The following ZNF385B variants were observed in gnomAD, a reference collection of about 807,000 sequenced individuals.
ZNF385B encodes zinc finger protein 533.
A neutral mutation model predicts 39.2 loss-of-function variants in ZNF385B; 23 were observed. The observed-to-expected ratio is 0.59, with a 90% CI of 0.42 to 0.83. The LOEUF (loss-of-function observed/expected upper bound fraction) is 0.83, where lower values mean the gene tolerates loss of function less well. Among genes scored for constraint, ZNF385B ranks in the 40% least tolerant of loss-of-function variants. The pLI, the probability that ZNF385B is intolerant of heterozygous loss-of-function variation, is 0.00. For missense variants in ZNF385B, 552 were observed against 598.9 expected, an observed-to-expected ratio of 0.92 and a Z score of 0.82; for synonymous variants, 205 against 222.6, an observed-to-expected ratio of 0.92 and a Z score of 0.70.
intron 6 of ZNF385B, among the ~76,000 whole-genome samples, chr2:179,463,549 C>T (rs993078043): frequency 2.0e-5 from 3 of 152,006 alleles, no homozygotes; most frequent in African/African-American, 7.2e-5. Flanking sequence ...TTCCCCGCCC[C>T]ATGTCCATGT....
intron 6 of ZNF385B, among the ~76,000 whole-genome samples, chr2:179,475,230 G>C (rs2053271752): frequency 6.6e-6 from 1 of 151,038 alleles, no homozygotes; most frequent in Admixed American, 6.6e-5. Context: ...ACAGATTATA[G>C]ACCATTTCCA....
chr2:179,483,215 C>CA, intron 6 of ZNF385B, 57 bp downstream of exon 6: 1 of 1,592,408 alleles, frequency 6.3e-7, no homozygotes, highest in Non-Finnish European at 8.6e-7. Flanking sequence ...AAAACGGGGT[C>CA]AGGGCAGGGG....
chr2:179,536,773 T>A (rs936578599), intron 4 of ZNF385B, among the ~76,000 whole-genome samples: 12 of 152,132 alleles, frequency 7.9e-5, no homozygotes, highest in Admixed American at 7.9e-4. Context: ...TGGTTGTGAA[T>A]GAGTGACTTT....
At chr2:179,710,367 A>G (rs1259714765) in intron 3 of ZNF385B, among the ~76,000 whole-genome samples, 1 of 152,078 alleles carries the variant, frequency 6.6e-6, no homozygotes, top group Admixed American at 6.5e-5. Flanking sequence ...CCCTGGAAAT[A>G]GCAAACCATT....
intron 3 of ZNF385B, among the ~76,000 whole-genome samples, chr2:179,571,605 T>C (rs1455201197): frequency 1.3e-5 from 2 of 152,240 alleles, no homozygotes; most frequent in Non-Finnish European, 2.9e-5. Context: ...GAGAGTCATG[T>C]GGTCTTGAAA....
chr2:179,738,984 T>A (rs906910171), intron 3 of ZNF385B, among the ~76,000 whole-genome samples: 1 of 152,152 alleles, frequency 6.6e-6, no homozygotes, highest in African/African-American at 2.4e-5. Flanking sequence ...AAAGACTTTG[T>A]TAAATATCTC....
At chr2:179,741,818 A>G (rs1702105763) in intron 3 of ZNF385B, among the ~76,000 whole-genome samples, 2 of 152,182 alleles carry the variant, frequency 1.3e-5, no homozygotes, top group South Asian at 4.2e-4. Flanking sequence ...CTTCTAGGTC[A>G]AGTTTGCAAG....
chr2:179,634,225 G>GT (rs1691510822), intron 3 of ZNF385B, among the ~76,000 whole-genome samples: 3 of 126,476 alleles, frequency 2.4e-5, no homozygotes, highest in African/African-American at 9.5e-5. Context: ...TAATTAAAGA[G>GT]CTCTGCACAG....
chr2:179,518,007 T>C (rs2058209973), intron 5 of ZNF385B, among the ~76,000 whole-genome samples: 2 of 152,196 alleles, frequency 1.3e-5, no homozygotes, highest in South Asian at 4.1e-4. Flanking sequence ...TGATATCAAA[T>C]AGTAAAAATG....
intron 1 of ZNF385B, among the ~76,000 whole-genome samples, chr2:179,854,777 T>C (rs550006896): frequency 2.0e-5 from 3 of 152,346 alleles, no homozygotes; most frequent in Admixed American, 2.0e-4. Context: ...TTTCTTAGTG[T>C]AGCTCAAACT....
At chr2:179,501,360 T>C (rs2056743952) in intron 5 of ZNF385B, among the ~76,000 whole-genome samples, 1 of 152,124 alleles carries the variant, frequency 6.6e-6, no homozygotes, top group Admixed American at 6.6e-5. Context: ...AACTGATGAA[T>C]GGGTGAAGAA....
At chr2:179,608,223 A>G (rs543649768) in intron 3 of ZNF385B, among the ~76,000 whole-genome samples, 15 of 151,596 alleles carry the variant, frequency 9.9e-5, no homozygotes, top group Non-Finnish European at 1.8e-4. Context: ...CTTCTCAGAA[A>G]CTCTTAACTG....
chr2:179,652,256 A>G (rs1216952468), intron 3 of ZNF385B, among the ~76,000 whole-genome samples: 1 of 152,182 alleles, frequency 6.6e-6, no homozygotes, highest in African/African-American at 2.4e-5. Flanking sequence ...GTATGGTTCT[A>G]AAGTATAGGC....
At chr2:179,671,737 T>C (rs1696032334) in intron 3 of ZNF385B, among the ~76,000 whole-genome samples, 1 of 152,170 alleles carries the variant, frequency 6.6e-6, no homozygotes, top group Admixed American at 6.5e-5. Context: ...CACTCCACTC[T>C]CTGAACTCCA....
intron 3 of ZNF385B, among the ~76,000 whole-genome samples, chr2:179,752,377 T>C (rs1702733430): frequency 6.6e-6 from 1 of 152,224 alleles, no homozygotes; most frequent in Non-Finnish European, 1.5e-5. Flanking sequence ...CTATTGTGAA[T>C]AGTGCCACAA....
rs114179415 is a variant in ZNF385B at position 179,823,864 on chromosome 2, T to G, written c.-155+37237A>C. On this transcript the variant is annotated intron_variant, in intron 1 of 9. Transcript: ENST00000410066. The stretch of plus-strand genomic sequence containing the variant: ...CAAACACAATGGTTTGCAGTTATTT[T>G]TAAGTCTTGTTTCAGTTAGAATTGT... Among the ~76,000 whole-genome samples, 613 of 152,274 alleles carry G rather than the reference T, an allele frequency of 4.0e-3. 5 individuals carry two copies. Among genetic ancestry groups the G allele is most frequent in the African/African-American group, 0.014 (563 of 41,570 alleles).
chr2:179,711,276 G>A (rs1212751623), intron 3 of ZNF385B, among the ~76,000 whole-genome samples: 3 of 152,172 alleles, frequency 2.0e-5, no homozygotes, highest in Non-Finnish European at 4.4e-5. Context: ...CTATAACCAT[G>A]TGGTTTAATC....
At chr2:179,733,143 T>A (rs141521425) in intron 3 of ZNF385B, among the ~76,000 whole-genome samples, 1 of 152,334 alleles carries the variant, frequency 6.6e-6, no homozygotes, top group East Asian at 1.9e-4. Context: ...TAAACCTAGA[T>A]ACCAGAAATG....
chr2:179,732,944 C>T (rs1701490282), intron 3 of ZNF385B, among the ~76,000 whole-genome samples: 1 of 152,062 alleles, frequency 6.6e-6, no homozygotes, highest in African/African-American at 2.4e-5. Flanking sequence ...CATTGAGCTA[C>T]CTTGAAAATT....
Sources: allele counts gnomAD v4.1 joint callset (sites outside exome capture counted in the v4.1 genomes callset), GRCh38; gene constraint gnomAD v4.1.1; transcripts MANE v1.5; gene names NCBI Gene and HGNC (gene_info 2026-07-23, HGNC 2026-07-21).